The following NAT2 variants were observed in gnomAD, a reference collection of about 807,000 sequenced individuals.
NAT2 encodes the protein N-acetyltransferase 2.
For missense variants in NAT2, 428 were observed against 339.1 expected (o/e 1.26, Z -2.06); for synonymous variants, 137 against 125.9 (o/e 1.09, Z -0.59).
chr8:18,390,625 C>T (rs1800577184), upstream of NAT2, among the ~76,000 whole-genome samples: 1 of 151,836 alleles, frequency 6.6e-6, no homozygotes, highest in Admixed American at 6.6e-5. Flanking sequence ...TAAAAATTTA[C>T]ACAAATCTTT....
chr8:18,390,710 ATTAATG>A (rs1418178398), upstream of NAT2, among the ~76,000 whole-genome samples: 1 of 126,478 alleles, frequency 7.9e-6, no homozygotes, highest in South Asian at 2.6e-4. Flanking sequence ...AAAAATTTAC[ATTAATG>A]TTAATGTCAA....
chr8:18,400,655 A>G lies in NAT2; in HGVS notation c.652A>G (p.Ile218Val), dbSNP rs1231891119. The part of the protein sequence containing the change: ...YLQTSPTSSF[I>V]TTSFCSLQTP... Reference sequence around the variant, plus strand: ...GCAGACGTCTCCAACATCTTCATTTATAACCACATCATTTTGTTCCTTGCA... The same window carrying G: ...GCAGACGTCTCCAACATCTTCATTTGTAACCACATCATTTTGTTCCTTGCA... Residue 218 changes from isoleucine to valine, a missense_variant, in exon 2 of 2, where the codon ATA becomes GTA. Ile to Val is a conservative substitution (Grantham distance 29). Transcript: ENST00000286479. The G allele has an allele frequency of 8.1e-6, 13 of 1,613,914 alleles. No individual in the cohort carries two copies. Among genetic ancestry groups the G allele is most frequent in the Non-Finnish European group, 1.1e-5 (13 of 1,179,982 alleles).
chr8:18,401,036 A>G lies in NAT2; in HGVS notation c.*160A>G, dbSNP rs1018259955. 7.8e-6 allele frequency: 4 copies of G among 511,848 alleles called. No homozygotes were observed. Among genetic ancestry groups the G allele is most frequent in the Non-Finnish European group, 9.9e-6 (3 of 304,554 alleles). The allele number at this position is 511,848 out of a possible 1,614,324, so 31.7% of individuals were successfully genotyped here. On this transcript the variant is annotated 3_prime_UTR_variant, in exon 2 of 2. Coordinates refer to ENST00000286479, the MANE Select transcript of NAT2 (RefSeq NM_000015.3). Reference sequence around the variant, plus strand: ...AAATGTCAGCATTTATTAAAAAACAATAACTTTTTAAAGAAACATAAGGAC... The same window carrying G: ...AAATGTCAGCATTTATTAAAAAACAGTAACTTTTTAAAGAAACATAAGGAC...
intron 1 of NAT2, among the ~76,000 whole-genome samples, chr8:18,394,151 G>A (rs1283962016): frequency 6.6e-6 from 1 of 152,146 alleles, no homozygotes; most frequent in Non-Finnish European, 1.5e-5. Flanking sequence ...GGGGTCACAA[G>A]GTGCTCAGTA....
upstream of NAT2, among the ~76,000 whole-genome samples, chr8:18,386,324 A>G (rs1589180184): frequency 6.6e-6 from 1 of 152,188 alleles, no homozygotes; most frequent in East Asian, 1.9e-4. Context: ...TCACTGCCCC[A>G]CAACTGGAGC....
upstream of NAT2, chr8:18,391,140 G>C (rs909203184): frequency 6.6e-6 from 1 of 152,088 alleles, no homozygotes; most frequent in Non-Finnish European, 1.5e-5. Flanking sequence ...AAAGATTTGC[G>C]TAAGAGATTC....
chr8:18,394,746 G>A (rs963922118), intron 1 of NAT2, among the ~76,000 whole-genome samples: 1 of 152,132 alleles, frequency 6.6e-6, no homozygotes, highest in African/African-American at 2.4e-5. Context: ...GCTTTATAAA[G>A]TCCCAATATC....
chr8:18,398,854 G>A (rs1800739199), intron 1 of NAT2, among the ~76,000 whole-genome samples: 1 of 152,198 alleles, frequency 6.6e-6, no homozygotes. Context: ...TCCTAGAGCT[G>A]TTGTGTTTGA....
chr8:18,398,492 G>A (rs896101652), intron 1 of NAT2, among the ~76,000 whole-genome samples: 1 of 152,082 alleles, frequency 6.6e-6, no homozygotes, highest in Non-Finnish European at 1.5e-5. Context: ...CAGCTTTGAG[G>A]GATATTGGGA....
upstream of NAT2, among the ~76,000 whole-genome samples, chr8:18,388,677 T>A (rs1655045940): frequency 6.6e-6 from 1 of 152,184 alleles, no homozygotes; most frequent in African/African-American, 2.4e-5. Context: ...TTAGCACATG[T>A]GAGAATCTGT....
intron 1 of NAT2, 138 bp downstream of exon 1, chr8:18,391,483 T>C (rs1216509306): frequency 6.6e-6 from 1 of 151,602 alleles, no homozygotes; most frequent in African/African-American, 2.4e-5. Context: ...AAAACTAAAT[T>C]CCAGGCCATA....
chr8:18,396,094 T>C (rs938379930), intron 1 of NAT2, among the ~76,000 whole-genome samples: 12 of 152,178 alleles, frequency 7.9e-5, no homozygotes, highest in African/African-American at 1.7e-4. Context: ...TTAGCATTAA[T>C]AAAATCTTAC....
In NAT2 at chr8:18,400,502, G is replaced by C. The variant is rs72554617; in HGVS notation, c.499G>C (p.Glu167Gln). Residue 167 changes from glutamate (E) to glutamine (Q), a missense_variant, in exon 2 of 2, where the codon GAG becomes CAG. Physicochemically the swap from Glu to Gln is conservative, Grantham distance 29 (BLOSUM62 2). Transcript: ENST00000286479. Reference sequence around the variant, plus strand: ...CTGGTACCTGGACCAAATCAGGAGAGAGCAGTATATTACAAACAAAGAATT... The same window carrying C: ...CTGGTACCTGGACCAAATCAGGAGACAGCAGTATATTACAAACAAAGAATT... ...GIWYLDQIRR[E>Q]QYITNKEFLN... The C allele has an allele frequency of 9.3e-6, 15 of 1,613,526 alleles. No individual in the cohort carries two copies. In the South Asian group the frequency reaches 1.1e-4, roughly 12 times the overall value.
chr8:18,389,380 G>C (rs1368910777), upstream of NAT2, among the ~76,000 whole-genome samples: 1 of 152,164 alleles, frequency 6.6e-6, no homozygotes, highest in East Asian at 1.9e-4. Context: ...CTCTTCGCCT[G>C]TGTGTCCCGA....
At chr8:18,387,476 T>G (rs13282367), upstream of NAT2, 26,611 of 153,820 alleles carry the variant, frequency 0.17, 2,831 homozygotes, top group East Asian at 0.49. Flanking sequence ...CCCCTTCAGC[T>G]CCTGCCTGTT....
rs538823317 is a variant in NAT2 at position 18,393,516 on chromosome 8, G to GA, written c.-7+2175dup. 8.9e-4 allele frequency among the ~76,000 whole-genome samples: 136 copies of GA among 152,284 alleles called. 1 individual carries two copies. The highest frequency in any genetic ancestry group is 2.9e-3 in the African/African-American group (120 of 41,556). On this transcript the variant is annotated intron_variant, in intron 1 of 1. Transcript: ENST00000286479. ...CTATCTGGAGTAGTCTATATATCTA[G>GA]AAAAGCTAGTCTATAGCTTTTTCTC...
rs1471780757 is a variant in NAT2, at chr8:18,391,326, G to C, written c.-26G>C. On this transcript the variant is annotated 5_prime_UTR_variant, in exon 1 of 2. Transcript: ENST00000286479. The stretch of plus-strand genomic sequence containing the variant: ...AAGCAAGAGGATTGCATTCAGCCTA[G>C]TTCCTGGTTGCTGGCCAAAGTAAGT... 6.6e-6 allele frequency: 1 copy of C among 152,144 alleles called. No homozygotes were observed. Among genetic ancestry groups the C allele is most frequent in the East Asian group, 1.9e-4 (1 of 5,182 alleles). The allele number at this position is 152,144 out of a possible 1,614,324, so 9.4% of individuals were successfully genotyped here. A position where few individuals can be genotyped will look rare whatever the true frequency, so the allele number is the denominator to read the frequency against.
At chr8:18,387,444 T>G (rs962856934), upstream of NAT2, 1 of 153,858 alleles carries the variant, frequency 6.5e-6, no homozygotes, top group Non-Finnish European at 1.5e-5. Flanking sequence ...CCGGACTTCC[T>G]CCCTTTCCGC....
chr8:18,388,694 G>C (rs1169074104), upstream of NAT2, among the ~76,000 whole-genome samples: 2 of 152,082 alleles, frequency 1.3e-5, no homozygotes, highest in East Asian at 1.9e-4. Context: ...CTGTAAACTA[G>C]ACATAACTAA....
Sources: allele counts gnomAD v4.1 joint callset (sites outside exome capture counted in the v4.1 genomes callset), GRCh38; gene constraint gnomAD v4.1.1; transcripts MANE v1.5; gene names NCBI Gene and HGNC (gene_info 2026-07-23, HGNC 2026-07-21).